KIF24: variants seen among roughly 807,000 people sequenced by gnomAD.
The protein encoded by KIF24 is kinesin family member 24.
A neutral mutation model predicts 118.9 loss-of-function variants in KIF24; 81 were observed. That is an observed-to-expected ratio of 0.68 (90% CI 0.57 to 0.82). The LOEUF (loss-of-function observed/expected upper bound fraction) is 0.82, where lower values mean the gene tolerates loss of function less well. Ranked by LOEUF, KIF24 falls within the 40% of genes least tolerant of loss-of-function variation. The probability of loss-of-function intolerance (pLI) is 0.00; values close to 1 mark genes in which losing one functional copy is unlikely to be tolerated. For synonymous variants in KIF24, 599 were observed against 610.0 expected (o/e 0.98, Z 0.27); for missense variants, 1,560 against 1,661.6 (o/e 0.94, Z 1.06).
chr9:34,281,705 G>A (rs148728554), intron 6 of KIF24, among the ~76,000 whole-genome samples: 4 of 152,282 alleles, frequency 2.6e-5, no homozygotes, highest in African/African-American at 9.6e-5. Context: ...TTTCTACAAT[G>A]CCAAACCTGA....
At position 34,286,671 on chromosome 9, in the gene KIF24, C is replaced by T. The variant is rs201346908; in HGVS notation, c.1161G>A (p.Val387=). 109 of 1,613,650 alleles carry T rather than the reference C, an allele frequency of 6.8e-5. No individual in the cohort carries two copies. In the East Asian group the frequency reaches 2.3e-3, roughly 34 times the overall value. ...LFAREDSKHM[V]QIVGLQELQV... ...GAAGCTCTTGCAGTCCCACTATCTG[C>T]ACCATGTGCTTGCTATCTTCTCTTG... Residue 387 remains valine, a synonymous_variant, in exon 6 of 13, where the codon GTG becomes GTA. Coordinates refer to ENST00000402558, the MANE Select transcript of KIF24 (RefSeq NM_194313.4).
intron 1 of KIF24, among the ~76,000 whole-genome samples, chr9:34,312,576 G>C (rs150105264): frequency 9.2e-5 from 14 of 152,290 alleles, no homozygotes; most frequent in African/African-American, 1.7e-4. Context: ...AAAGAGGTGA[G>C]GGCAAGGTAA....
At chr9:34,314,287 C>T (rs910869091) in intron 1 of KIF24, among the ~76,000 whole-genome samples, 2 of 152,116 alleles carry the variant, frequency 1.3e-5, no homozygotes, top group African/African-American at 4.8e-5. Context: ...CCTCAGCCTC[C>T]CAAATAGCTG....
chr9:34,254,406 C>T lies in KIF24; in HGVS notation c.4081G>A (p.Ala1361Thr). ...TAAGACGGCACTGTTCCCTCAGGGG[C>T]TGCGGTGGGCCCGTGGCAGGTGAGA... ...LYLTCHGPTA[A>T]PEGTVPS The change falls in exon 13 of 13, where the codon GCC becomes ACC. Residue 1361 changes from alanine (A) to threonine (T), a missense_variant. By Grantham distance (58) the Ala-to-Thr change is moderately conservative. Transcript: ENST00000402558. 2 of 1,613,660 alleles carry T rather than the reference C, an allele frequency of 1.2e-6. No individual in the cohort carries two copies. Among genetic ancestry groups the T allele is most frequent in the Non-Finnish European group, 1.7e-6 (2 of 1,179,858 alleles).
At position 34,252,971 on chromosome 9, in the gene KIF24, C is replaced by T. The variant is rs931508773; in HGVS notation, c.*1409G>A. 1 of 152,278 alleles carries T rather than the reference C, an allele frequency of 6.6e-6. No homozygotes were observed. The highest frequency in any genetic ancestry group is 1.5e-5 in the Non-Finnish European group (1 of 68,084). 9.4% of individuals were successfully genotyped at this position (152,278 alleles called of 1,614,324 possible). On this transcript the variant is annotated 3_prime_UTR_variant, in exon 13 of 13. Transcript: ENST00000402558. ...TTCCTAAAGTAAGTAAGTTTTTGTC[C>T]TTGACCTTAATACTGTGCCATTGTC...
upstream of KIF24, among the ~76,000 whole-genome samples, chr9:34,331,644 GTGGTCT>G (rs1837940932): frequency 6.6e-6 from 1 of 152,138 alleles, no homozygotes; most frequent in South Asian, 2.1e-4. Flanking sequence ...AATTTTCACC[GTGGTCT>G]TGGTAGAGAA....
At chr9:34,326,344 A>G (rs1453487597) in intron 1 of KIF24, among the ~76,000 whole-genome samples, 1 of 152,148 alleles carries the variant, frequency 6.6e-6, no homozygotes, top group Non-Finnish European at 1.5e-5. Context: ...AGGGCGACAG[A>G]GTAAGAGCCT....
At chr9:34,310,645 G>T in intron 2 of KIF24, 79 bp downstream of exon 2, 1 of 977,564 alleles carries the variant, frequency 1.0e-6, no homozygotes, top group Non-Finnish European at 1.5e-6. Context: ...AGTAGATGCT[G>T]TCTGCTGGAC....
chr9:34,333,166 T>G (rs758876871), upstream of KIF24, among the ~76,000 whole-genome samples: 1 of 152,192 alleles, frequency 6.6e-6, no homozygotes, highest in Non-Finnish European at 1.5e-5. Flanking sequence ...GAAACCCTTT[T>G]GAGATGGGTG....
intron 4 of KIF24, among the ~76,000 whole-genome samples, chr9:34,292,856 A>C (rs1465362942): frequency 3.3e-5 from 5 of 152,192 alleles, no homozygotes; most frequent in Non-Finnish European, 7.3e-5. Flanking sequence ...GGAAAGAATA[A>C]TATCTACTTT....
chr9:34,304,640 A>G (rs911869992), intron 3 of KIF24, among the ~76,000 whole-genome samples: 1 of 152,194 alleles, frequency 6.6e-6, no homozygotes, highest in South Asian at 2.1e-4. Context: ...TAGACCGTGC[A>G]TTGATCAGCA....
intron 1 of KIF24, among the ~76,000 whole-genome samples, chr9:34,317,544 G>C (rs1219936562): frequency 2.0e-5 from 3 of 152,018 alleles, no homozygotes; most frequent in Non-Finnish European, 4.4e-5. Flanking sequence ...TTCCAGAAAG[G>C]AACAATTTGT....
intron 6 of KIF24, among the ~76,000 whole-genome samples, chr9:34,276,889 A>G (rs1587930213): frequency 6.6e-6 from 1 of 152,198 alleles, no homozygotes; most frequent in East Asian, 1.9e-4. Flanking sequence ...AAGCACTGCT[A>G]ACTAAGCTCA....
intron 4 of KIF24, among the ~76,000 whole-genome samples, chr9:34,292,277 G>A (rs1587945024): frequency 6.6e-6 from 1 of 152,276 alleles, no homozygotes; most frequent in South Asian, 2.1e-4. Flanking sequence ...GGATGCAACT[G>A]TTTTGTCTTT....
At chr9:34,262,712 A>ATATATATATG (rs1278590736) in intron 9 of KIF24, among the ~76,000 whole-genome samples, 10 of 50,260 alleles carry the variant, frequency 2.0e-4, no homozygotes, top group African/African-American at 7.7e-4. Flanking sequence ...ATATATATAT[A>ATATATATATG]TGGCCAGGCA....
intron 9 of KIF24, among the ~76,000 whole-genome samples, chr9:34,261,970 G>A (rs1280802133): frequency 6.6e-6 from 1 of 151,994 alleles, no homozygotes; most frequent in African/African-American, 2.4e-5. Context: ...GTCTCTTTTT[G>A]TCGCCCAGGC....
chr9:34,256,189 C>T lies in KIF24; in HGVS notation c.3418G>A (p.Ala1140Thr). ...GCCTCCCTGCTGGGCAGCTTGTCAG[C>T]TGGGTGCTGACGGATGGGTGATGGG... Reference protein sequence around the residue: ...LSPSPIRQHPADKLPSREADL... With the variant: ...LSPSPIRQHPTDKLPSREADL... Residue 1140 changes from alanine to threonine, a missense_variant, in exon 11 of 13, where the codon GCT (alanine) becomes ACT (threonine). Around this residue, in one of 3 missense-constraint regions of KIF24, gnomAD observed 591 missense variants for 655.6 expected, o/e 0.90. Coordinates refer to ENST00000402558, the MANE Select transcript of KIF24 (RefSeq NM_194313.4). 6.2e-7 allele frequency: 1 copy of T among 1,602,470 alleles called. No homozygotes were observed. The highest frequency in any genetic ancestry group is 1.7e-4 in the Middle Eastern group (1 of 5,990).
intron 1 of KIF24, among the ~76,000 whole-genome samples, chr9:34,320,794 T>G (rs1184661519): frequency 6.6e-6 from 1 of 152,168 alleles, no homozygotes; most frequent in East Asian, 1.9e-4. Context: ...TAAGTATGTT[T>G]GAATTCAGGT....
chr9:34,271,337 AAAAAAAG>A (rs1190284493), intron 7 of KIF24, among the ~76,000 whole-genome samples: 38 of 147,818 alleles, frequency 2.6e-4, no homozygotes, highest in African/African-American at 4.0e-4. Flanking sequence ...AAAAAAAAAA[AAAAAAAG>A]AAAAAGAAAA....
Sources: gnomAD v4.1 joint callset for allele counts (sites outside exome capture counted in the v4.1 genomes callset) on GRCh38, gnomAD v4.1.1 for gene constraint, gnomAD v4.1.1 regional missense constraint, MANE v1.5 for transcripts, NCBI Gene and HGNC (gene_info 2026-07-23, HGNC 2026-07-21) for gene names.